THAP4: variants seen among roughly 807,000 people sequenced by gnomAD.
The protein encoded by THAP4 is THAP domain containing 4, also known as peroxynitrite isomerase THAP4.
Under a neutral mutation model 48.1 loss-of-function variants are expected in THAP4, and 18 were observed. That is an observed-to-expected ratio of 0.37 (90% confidence interval 0.26 to 0.56). THAP4 has a LOEUF of 0.56. Ranked by LOEUF, THAP4 falls within the 20% of genes least tolerant of loss-of-function variation. The probability of loss-of-function intolerance (pLI) is 0.78; values close to 1 mark genes in which losing one functional copy is unlikely to be tolerated. For synonymous variants in THAP4, 345 were observed against 324.9 expected (o/e 1.06, Z -0.66); for missense variants, 656 against 774.9 (o/e 0.85, Z 1.82).
Position 241,633,102 on chromosome 2 carries a change from G to A in THAP4, c.1055C>T (p.Ser352Phe). 1 of 1,613,918 alleles carries A rather than the reference G, an allele frequency of 6.2e-7. No individual in the cohort carries two copies. Among genetic ancestry groups the A allele is most frequent in the South Asian group, 1.1e-5 (1 of 91,058 alleles). Residue 352 changes from serine (S) to phenylalanine (F), a missense_variant, in exon 2 of 6, where the codon TCC (serine) becomes TTC (phenylalanine). Ser to Phe is a radical substitution (Grantham distance 155). Transcript: ENST00000407315. This position sits in a 1 kb window ranked among gnomAD's most constrained non-coding sequence, Gnocchi z 7.5. ...GCACACCTGGCTCTTGTTCTGCCGG[G>A]AGGAGAAGCAGTAGGAGTGCAGTGA... ...IDSLHSYCFS[S>F]RQNKSQVCCL... is the part of the protein sequence containing the mutation.
intron 5 of THAP4, among the ~76,000 whole-genome samples, chr2:241,588,021 A>G (rs2066913483): frequency 7.0e-6 from 1 of 141,898 alleles, no homozygotes; most frequent in Non-Finnish European, 1.5e-5. Context: ...GAGAGAAAAG[A>G]AGGAAGGAAG....
intron 2 of THAP4, among the ~76,000 whole-genome samples, chr2:241,620,849 G>T (rs2067421630): frequency 6.6e-6 from 1 of 152,004 alleles, no homozygotes; most frequent in Admixed American, 6.6e-5. Flanking sequence ...TAATCTTACG[G>T]GACTACCATG....
At chr2:241,637,482 C>G (rs2125104979), upstream of THAP4, 1 of 1,452,830 alleles carries the variant, frequency 6.9e-7, no homozygotes, top group East Asian at 2.8e-5. Context: ...GACAGCAGAA[C>G]CAGCCGTCGT....
Position 241,584,557 on chromosome 2 carries a change from G to A in THAP4, c.*49C>T, listed in dbSNP as rs201296676. ...GGACTGTCTGTTGAGGAGCCGAACC[G>A]TTGAGGCACAGTAGCCAGGCCCTCC... On this transcript the variant is annotated 3_prime_UTR_variant, in exon 6 of 6. Coordinates refer to ENST00000407315, the MANE Select transcript of THAP4 (RefSeq NM_015963.6). The A allele has an allele frequency of 1.4e-3, 2,209 of 1,611,348 alleles. 2 individuals carry two copies. Among genetic ancestry groups the A allele is most frequent in the Non-Finnish European group, 1.7e-3 (2,043 of 1,177,876 alleles).
At chr2:241,609,221 C>T (rs1484864941) in intron 2 of THAP4, among the ~76,000 whole-genome samples, 1 of 152,176 alleles carries the variant, frequency 6.6e-6, no homozygotes, top group Non-Finnish European at 1.5e-5. Context: ...CAGAGCCACC[C>T]GGATGTGCTG....
chr2:241,584,587 G>T lies in THAP4; in HGVS notation c.*19C>A. On this transcript the variant is annotated 3_prime_UTR_variant, in exon 6 of 6. Transcript: ENST00000407315. The stretch of plus-strand genomic sequence containing the variant: ...GGCACAGTAGCCAGGCCCTCCCGAG[G>T]GCTCCAGAAGCTCTAGGTTTACGGG... 6.2e-7 allele frequency: 1 copy of T among 1,613,882 alleles called. No individual in the cohort carries two copies. Among genetic ancestry groups the T allele is most frequent in the Non-Finnish European group, 8.5e-7 (1 of 1,179,942 alleles).
In THAP4 at chr2:241,633,333, C is replaced by T. The variant is rs1279625093; in HGVS notation, c.824G>A (p.Gly275Glu). The change falls in exon 2 of 6, where the codon GGA becomes GAA. Residue 275 changes from glycine to glutamate, a missense_variant. By Grantham distance (98) the Gly-to-Glu change is moderately conservative. This residue lies in a region of THAP4 where 391 missense variants were observed against 412.4 expected (regional missense o/e 0.95). Coordinates refer to ENST00000407315, the MANE Select transcript of THAP4 (RefSeq NM_015963.6). The surrounding 1 kb of genome is among the most constrained non-coding windows in gnomAD (Gnocchi z 7.5). ...GCTCTGGGCCAGGCCCTTGTCGGGT[C>T]CCAGGCTGCTCCCACTGCAGCTTGG... Reference protein sequence around the residue: ...VEPSCSGSSLGPDKGLAQSPP... With the variant: ...VEPSCSGSSLEPDKGLAQSPP... 1 of 1,612,438 alleles carries T rather than the reference C, an allele frequency of 6.2e-7. No homozygotes were observed. Among genetic ancestry groups the T allele is most frequent in the Non-Finnish European group, 8.5e-7 (1 of 1,179,978 alleles).
intron 2 of THAP4, among the ~76,000 whole-genome samples, chr2:241,618,183 C>A (rs1478648696): frequency 1.3e-5 from 2 of 152,198 alleles, no homozygotes; most frequent in South Asian, 2.1e-4. Context: ...CAGCAGGGAA[C>A]TGTTGTTTTA....
rs541311495 is a variant in THAP4 at position 241,633,871 on chromosome 2, C to T, written c.286G>A (p.Gly96Ser). ...HLTEKKRGAG[G>S]HGRTRRKDAS... ...TCTTTTCTCCGGGTGCGGCCATGGC[C>T]TCCAGCCCCCCTCTTCTTCTCGGTC... The change falls in exon 2 of 6, where the codon GGC (glycine) becomes AGC (serine). Residue 96 changes from glycine (G) to serine (S), a missense_variant. Transcript: ENST00000407315. This position sits in a 1 kb window ranked among gnomAD's most constrained non-coding sequence, Gnocchi z 7.5. The T allele has an allele frequency of 6.2e-7, 1 of 1,613,988 alleles. No homozygotes were observed. Among genetic ancestry groups the T allele is most frequent in the East Asian group, 2.2e-5 (1 of 44,872 alleles).
chr2:241,591,465 T>C (rs1212717914), intron 5 of THAP4, among the ~76,000 whole-genome samples: 2 of 152,160 alleles, frequency 1.3e-5, no homozygotes, highest in Non-Finnish European at 2.9e-5. Context: ...TATACCTCAA[T>C]AGAGGTGATT....
chr2:241,599,492 G>A (rs193013806), intron 5 of THAP4, among the ~76,000 whole-genome samples: 2 of 152,184 alleles, frequency 1.3e-5, no homozygotes, highest in South Asian at 2.1e-4. Flanking sequence ...TCAATCTGAA[G>A]ATTAAATGGG....
At chr2:241,620,024 GGTGAGTTGGTGA>G (rs1240746697) in intron 2 of THAP4, among the ~76,000 whole-genome samples, 1 of 94,024 alleles carries the variant, frequency 1.1e-5, no homozygotes, top group Non-Finnish European at 2.1e-5. Context: ...ATGAGTGAGG[GGTGAGTTGGTGA>G]GTGAGGAGTG....
rs1182618361 is a variant in THAP4, at chr2:241,601,994, C to G, written c.1516G>C (p.Val506Leu). The G allele has an allele frequency of 6.2e-7, 1 of 1,611,256 alleles. No individual in the cohort carries two copies. The highest frequency in any genetic ancestry group is 8.5e-7 in the Non-Finnish European group (1 of 1,179,442). Residue 506 changes from valine to leucine, a missense_variant, in exon 5 of 6, where the codon GTG (valine) becomes CTG (leucine). Around this residue, in one of 4 missense-constraint regions of THAP4, gnomAD observed 176 missense variants for 256.7 expected, o/e 0.69. Transcript: ENST00000407315. This position sits in a 1 kb window ranked among gnomAD's most constrained non-coding sequence, Gnocchi z 4.0. ...TTCACCTCGCCCTCCTCCACTTCCACCACGCCTGCAAGGGAAGGGCAGTCA... is the reference window on the plus strand; with the variant it reads ...TTCACCTCGCCCTCCTCCACTTCCAGCACGCCTGCAAGGGAAGGGCAGTCA... ...AFVSAQNTGVVEVEEGEVNGQ... is the reference protein window; with the variant it reads ...AFVSAQNTGVLEVEEGEVNGQ...
At chr2:241,608,974 G>C (rs1323282155) in intron 2 of THAP4, among the ~76,000 whole-genome samples, 1 of 152,256 alleles carries the variant, frequency 6.6e-6, no homozygotes, top group Non-Finnish European at 1.5e-5. Flanking sequence ...AGAGGAACAG[G>C]AGGCCAGTGT....
At chr2:241,615,291 G>A (rs2067325657) in intron 2 of THAP4, among the ~76,000 whole-genome samples, 1 of 152,070 alleles carries the variant, frequency 6.6e-6, no homozygotes, top group Admixed American at 6.6e-5. Flanking sequence ...CTCACCACGG[G>A]AACACCTAGG....
chr2:241,631,170 C>T (rs1040400690), intron 2 of THAP4, among the ~76,000 whole-genome samples: 6 of 152,204 alleles, frequency 3.9e-5, no homozygotes, highest in African/African-American at 1.2e-4. Flanking sequence ...GGCACCGTTC[C>T]TCCCCAGGAC....
intron 2 of THAP4, among the ~76,000 whole-genome samples, chr2:241,619,340 C>G (rs1432011172): frequency 6.6e-6 from 1 of 152,238 alleles, no homozygotes; most frequent in East Asian, 1.9e-4. Flanking sequence ...TTCAGTCAAG[C>G]AGCACTTACT....
chr2:241,602,787 C>T (rs530662494), intron 4 of THAP4, among the ~76,000 whole-genome samples, 183 bp downstream of exon 4: 61 of 152,244 alleles, frequency 4.0e-4, no homozygotes, highest in Non-Finnish European at 3.7e-4. Context: ...GCCGGAGGCC[C>T]CTACAGCTAC....
rs1190037875 is a variant in THAP4 at position 241,621,018 on chromosome 2, G to A, written c.1240+11899C>T. On this transcript the variant is annotated intron_variant, in intron 2 of 5. Transcript: ENST00000407315. ...GAGCATCAGAACCAGACTCAGGTACGGCAGAGATTTTAGAATTACCACACG... is the reference window on the plus strand; with the variant it reads ...GAGCATCAGAACCAGACTCAGGTACAGCAGAGATTTTAGAATTACCACACG... Among the ~76,000 whole-genome samples the A allele has an allele frequency of 3.9e-5, 6 of 152,082 alleles. 1 individual carries two copies. Among genetic ancestry groups the A allele is most frequent in the Admixed American group, 3.3e-4 (5 of 15,280 alleles).
Sources: gnomAD v4.1 joint callset for allele counts (sites outside exome capture counted in the v4.1 genomes callset) on GRCh38, gnomAD v4.1.1 for gene constraint, gnomAD v4.1.1 regional missense constraint, Gnocchi (gnomAD v3.1) non-coding constraint, MANE v1.5 for transcripts, NCBI Gene and HGNC (gene_info 2026-07-23, HGNC 2026-07-21) for gene names.